SPTB: variants seen among roughly 807,000 people sequenced by gnomAD.
SPTB encodes the protein spectrin beta, erythrocytic, also known as spectrin beta chain, erythrocytic.
Under a neutral mutation model 256.2 loss-of-function variants are expected in SPTB, and 45 were observed. That is an observed-to-expected ratio of 0.18 (90% CI 0.14 to 0.23). SPTB has a LOEUF of 0.23. SPTB is among the 10% of genes least tolerant of loss of function. The probability of loss-of-function intolerance (pLI) is 1.00; values close to 1 mark genes in which losing one functional copy is unlikely to be tolerated. For missense variants in SPTB, 2,715 were observed against 3,040.4 expected (o/e 0.89, Z 2.52); for synonymous variants, 1,231 against 1,243.1 (o/e 0.99, Z 0.21).
At position 64,768,741 on chromosome 14, in the gene SPTB, T is replaced by C. The variant is rs2082231720; in HGVS notation, c.6022+293A>G. ...GGCCCCCAACTCCTCCCCCAGGCCATAGCTCTGCAGGCATACCAGCCCGGG... is the reference window on the plus strand; with the variant it reads ...GGCCCCCAACTCCTCCCCCAGGCCACAGCTCTGCAGGCATACCAGCCCGGG... On this transcript the variant is annotated intron_variant, in intron 29 of 35. Coordinates refer to ENST00000644917, the MANE Select transcript of SPTB (RefSeq NM_001355436.2). 2.8e-5 allele frequency among the ~76,000 whole-genome samples: 4 copies of C among 143,310 alleles called. No individual in the cohort carries two copies. The South Asian group carries it at 1.0e-3, about 37-fold the overall frequency. The allele number at this position is 143,310 out of a possible 152,430, so 94.0% of individuals were successfully genotyped here.
At position 64,825,558 on chromosome 14, in the gene SPTB, A is replaced by G. The variant is rs1478248566; in HGVS notation, c.-51-2413T>C. On this transcript the variant is annotated intron_variant, in intron 1 of 35. Transcript: ENST00000644917. The surrounding 1 kb of genome is among the most constrained non-coding windows in gnomAD (Gnocchi z 4.8). The stretch of plus-strand genomic sequence containing the variant: ...GCTGACCACCTCCTGCAGGGCCACA[A>G]GCCTGTCCAGCAGCCCCTGAGAAGG... Among the ~76,000 whole-genome samples, 2 of 152,128 alleles carry G rather than the reference A, an allele frequency of 1.3e-5. No homozygotes were observed. Among genetic ancestry groups the G allele is most frequent in the African/African-American group, 2.4e-5 (1 of 41,400 alleles).
chr14:64,835,260 T>C (rs438035), intron 1 of SPTB, among the ~76,000 whole-genome samples: 46,446 of 151,968 alleles, frequency 0.31, 8,172 homozygotes, highest in African/African-American at 0.48. Context: ...GTCCATTCTC[T>C]TTTTTTGAGA....
At chr14:64,849,712 G>A (rs1449593376) in intron 1 of SPTB, among the ~76,000 whole-genome samples, 1 of 152,142 alleles carries the variant, frequency 6.6e-6, no homozygotes, top group African/African-American at 2.4e-5. Context: ...AGTAAAGTAA[G>A]GACATTTTTT....
chr14:64,851,029 C>G (rs765484812), intron 1 of SPTB, among the ~76,000 whole-genome samples: 6 of 152,172 alleles, frequency 3.9e-5, no homozygotes, highest in Admixed American at 1.3e-4. Flanking sequence ...AGGTAACAGC[C>G]CAGATTATAC....
chr14:64,784,218 C>A (rs765278388), intron 19 of SPTB, 29 bp downstream of exon 19: 8 of 1,613,874 alleles, frequency 5.0e-6, no homozygotes, highest in Non-Finnish European at 6.8e-6. Context: ...GAGCAGAGCA[C>A]CCACCCGCCG....
rs1180610556 is a variant in SPTB, at chr14:64,765,878, G to C, written c.6345+848C>G. Among the ~76,000 whole-genome samples, 3 of 147,108 alleles carry C rather than the reference G, an allele frequency of 2.0e-5. No individual in the cohort carries two copies. The South Asian group carries it at 6.6e-4, about 32-fold the overall frequency. On this transcript the variant is annotated intron_variant, in intron 32 of 35. Coordinates refer to ENST00000644917, the MANE Select transcript of SPTB (RefSeq NM_001355436.2). ...ACATGTATGTGTGTGTGTGTGTGGA[G>C]GTTGCGGTGTGTGCATGTGTGTGTG...
chr14:64,785,512 C>T lies in SPTB; in HGVS notation c.3855+25G>A. The T allele has an allele frequency of 6.3e-7, 1 of 1,595,644 alleles. No homozygotes were observed. Among genetic ancestry groups the T allele is most frequent in the South Asian group, 1.1e-5 (1 of 88,986 alleles). Reference sequence around the variant, plus strand: ...TTCTAGAAAGGAATCTCCAGGAAAGCAGCCACTCCTTGCTGGAGCCTCACC... The same window carrying T: ...TTCTAGAAAGGAATCTCCAGGAAAGTAGCCACTCCTTGCTGGAGCCTCACC... On this transcript the variant is annotated intron_variant, in intron 18 of 35. Coordinates refer to ENST00000644917, the MANE Select transcript of SPTB (RefSeq NM_001355436.2). The surrounding 1 kb of genome is among the most constrained non-coding windows in gnomAD (Gnocchi z 4.4).
Position 64,786,378 on chromosome 14 carries a change from T to C in SPTB, c.3561+26A>G. The C allele has an allele frequency of 1.9e-6, 3 of 1,613,756 alleles. No homozygotes were observed. Among genetic ancestry groups the C allele is most frequent in the Non-Finnish European group, 2.5e-6 (3 of 1,180,032 alleles). On this transcript the variant is annotated intron_variant, in intron 16 of 35. Coordinates refer to ENST00000644917, the MANE Select transcript of SPTB (RefSeq NM_001355436.2). This position sits in a 1 kb window ranked among gnomAD's most constrained non-coding sequence, Gnocchi z 5.6. The stretch of plus-strand genomic sequence containing the variant: ...GAGCTACTGCCCTGAGAGACCCGCC[T>C]GTCCCAGCCCTGAATGCCTCTCTAC...
At chr14:64,773,096 G>A (rs559771317) in intron 25 of SPTB, 124 bp downstream of exon 25, 56 of 1,543,876 alleles carry the variant, frequency 3.6e-5, no homozygotes, top group African/African-American at 2.0e-4. Flanking sequence ...GGCCTGCATC[G>A]GCTGGTCCCG....
chr14:64,841,209 G>C lies in SPTB; in HGVS notation c.-51-18064C>G, dbSNP rs1392935882. Reference sequence around the variant, plus strand: ...TTATGGGTCAGGAAACTGAGGCTTAGAGGGTTCAGTGACTTGCCCCAGTAC... The same window carrying C: ...TTATGGGTCAGGAAACTGAGGCTTACAGGGTTCAGTGACTTGCCCCAGTAC... On this transcript the variant is annotated intron_variant, in intron 1 of 35. Transcript: ENST00000644917. This position sits in a 1 kb window ranked among gnomAD's most constrained non-coding sequence, Gnocchi z 4.6. Among the ~76,000 whole-genome samples, 5 of 152,112 alleles carry C rather than the reference G, an allele frequency of 3.3e-5. No homozygotes were observed. Among genetic ancestry groups the C allele is most frequent in the African/African-American group, 4.8e-5 (2 of 41,414 alleles).
chr14:64,823,925 T>C lies in SPTB; in HGVS notation c.-51-780A>G, dbSNP rs902575689. 2.0e-5 allele frequency among the ~76,000 whole-genome samples: 3 copies of C among 152,200 alleles called. No individual in the cohort carries two copies. The highest frequency in any genetic ancestry group is 2.9e-5 in the Non-Finnish European group (2 of 68,028). ...ATCCCATGGACAATGGAACCGTGCATTGTGAGTCCATGTGATGAACCAGCG... is the reference window on the plus strand; with the variant it reads ...ATCCCATGGACAATGGAACCGTGCACTGTGAGTCCATGTGATGAACCAGCG... On this transcript the variant is annotated intron_variant, in intron 1 of 35. Coordinates refer to ENST00000644917, the MANE Select transcript of SPTB (RefSeq NM_001355436.2). The surrounding 1 kb of genome is among the most constrained non-coding windows in gnomAD (Gnocchi z 6.5).
At chr14:64,799,994 C>A (rs2082851444) in intron 8 of SPTB, 60 bp from the exon 9 acceptor site, 3 of 1,586,090 alleles carry the variant, frequency 1.9e-6, no homozygotes, top group South Asian at 1.1e-5. Flanking sequence ...CTGAGGATAT[C>A]AATGAGGACC....
At chr14:64,829,651 G>T (rs866280293) in intron 1 of SPTB, among the ~76,000 whole-genome samples, 2 of 152,286 alleles carry the variant, frequency 1.3e-5, no homozygotes, top group Non-Finnish European at 1.5e-5. Flanking sequence ...GACTTGGAGT[G>T]ATCTACTTAT....
chr14:64,751,416 G>A (rs1003554075), intron 33 of SPTB, among the ~76,000 whole-genome samples: 11 of 151,928 alleles, frequency 7.2e-5, no homozygotes, highest in Admixed American at 3.9e-4. Flanking sequence ...CACCACGCCC[G>A]GCCCCTATCC....
Position 64,761,939 on chromosome 14 carries a change from C to G in SPTB, c.6345+4787G>C, listed in dbSNP as rs1006858492. On this transcript the variant is annotated intron_variant, in intron 32 of 35. Transcript: ENST00000644917. The stretch of plus-strand genomic sequence containing the variant: ...TAACTGAGTCTCATCCTGAGGCCAT[C>G]AGTATCTAGGATGTTCTGAAACACA... 3.9e-5 allele frequency among the ~76,000 whole-genome samples: 6 copies of G among 152,310 alleles called. No individual in the cohort carries two copies. In the East Asian group the frequency reaches 1.2e-3, roughly 29 times the overall value.
rs145156898 is a variant in SPTB, at chr14:64,773,361, C to G, written c.5037G>C (p.Ala1679=). The change falls in exon 25 of 36, where the codon GCG becomes GCC. Residue 1679 remains alanine, a synonymous_variant. Transcript: ENST00000644917. ...DKHYAGLKDV[A]EERKRKLENM... is the part of the protein sequence containing the mutation. The stretch of plus-strand genomic sequence containing the variant: ...TCTCCAGCTTGCGCTTGCGCTCTTC[C>G]GCCACGTCCTTCAGCCCTGCGTAGT... The G allele has an allele frequency of 2.5e-6, 4 of 1,614,080 alleles. No homozygotes were observed. The Admixed American group carries it at 6.7e-5, about 27-fold the overall frequency.
chr14:64,755,759 GAC>G (rs35649254), intron 32 of SPTB: 5,164 of 152,220 alleles, frequency 0.034, 110 homozygotes, highest in South Asian at 0.065. Flanking sequence ...AACACCCCAA[GAC>G]ACCCCTTAAG....
chr14:64,778,403 C>T lies in SPTB; in HGVS notation c.4563+754G>A, dbSNP rs1286561766. Among the ~76,000 whole-genome samples, 1 of 152,138 alleles carries T rather than the reference C, an allele frequency of 6.6e-6. No homozygotes were observed. The highest frequency in any genetic ancestry group is 1.5e-5 in the Non-Finnish European group (1 of 68,034). ...AGTTCCTGGGCTCTCCTTGCTGACC[C>T]AGAGAGCATGCAGAGGGAGGGTCTC... On this transcript the variant is annotated intron_variant, in intron 22 of 35. Coordinates refer to ENST00000644917, the MANE Select transcript of SPTB (RefSeq NM_001355436.2). This position sits in a 1 kb window ranked among gnomAD's most constrained non-coding sequence, Gnocchi z 5.2.
chr14:64,773,103 C>T (rs1452990247), intron 25 of SPTB, 117 bp downstream of exon 25: 1 of 1,546,062 alleles, frequency 6.5e-7, no homozygotes, highest in Non-Finnish European at 8.8e-7. Flanking sequence ...ATCGGCTGGT[C>T]CCGCCTCACA....
Sources: allele counts gnomAD v4.1 joint callset (sites outside exome capture counted in the v4.1 genomes callset), GRCh38; gene constraint gnomAD v4.1.1; non-coding constraint Gnocchi (gnomAD v3.1); transcripts MANE v1.5; gene names NCBI Gene and HGNC (gene_info 2026-07-23, HGNC 2026-07-21).